Variants in TTLL9 observed in about 807,000 individuals in gnomAD.
The protein encoded by TTLL9 is probable tubulin polyglutamylase TTLL9.
In TTLL9, 47 loss-of-function variants were observed where a neutral mutation model predicts 65.6. The observed-to-expected ratio is 0.72, with a 90% CI of 0.57 to 0.91. The LOEUF is 0.91. Ranked by LOEUF, TTLL9 falls within the 40% of genes least tolerant of loss-of-function variation. TTLL9 has a pLI of 0.00. For synonymous variants in TTLL9, 179 were observed against 204.8 expected (o/e 0.87, Z 1.07); for missense variants, 537 against 568.8 (o/e 0.94, Z 0.57).
intron 4 of TTLL9, among the ~76,000 whole-genome samples, chr20:31,902,598 G>A (rs2063494673): frequency 6.6e-6 from 1 of 152,078 alleles, no homozygotes; most frequent in Admixed American, 6.5e-5. Flanking sequence ...ATTGATAGGT[G>A]TTTAGGTTAT....
At chr20:31,889,084 A>G (rs1455521023) in intron 3 of TTLL9, among the ~76,000 whole-genome samples, 3 of 152,030 alleles carry the variant, frequency 2.0e-5, no homozygotes, top group Admixed American at 6.6e-5. Flanking sequence ...ACCATAAAAT[A>G]TTTTTTATTT....
At chr20:31,893,470 T>C (rs1600543136) in intron 3 of TTLL9, among the ~76,000 whole-genome samples, 1 of 152,180 alleles carries the variant, frequency 6.6e-6, no homozygotes, top group South Asian at 2.1e-4. Context: ...TTTGTATTTT[T>C]AGTAGAGACC....
intron 3 of TTLL9, among the ~76,000 whole-genome samples, chr20:31,889,481 G>T (rs995461065): frequency 4.0e-5 from 6 of 150,160 alleles, no homozygotes; most frequent in Admixed American, 1.3e-4. Context: ...GGAGTGCAGT[G>T]GCGTGATCTC....
At chr20:31,938,465 C>T (rs892975957) in intron 13 of TTLL9, among the ~76,000 whole-genome samples, 1 of 152,160 alleles carries the variant, frequency 6.6e-6, no homozygotes, top group African/African-American at 2.4e-5. Flanking sequence ...AACATTTGAG[C>T]CCTGCTCTGT....
intron 3 of TTLL9, among the ~76,000 whole-genome samples, chr20:31,897,585 G>A (rs1056404122): frequency 2.6e-5 from 4 of 152,082 alleles, no homozygotes; most frequent in African/African-American, 4.8e-5. Context: ...ACTTCATTAC[G>A]GCCAGACTGG....
intron 7 of TTLL9, among the ~76,000 whole-genome samples, chr20:31,922,752 C>T (rs772014915): frequency 1.3e-5 from 2 of 152,216 alleles, no homozygotes; most frequent in African/African-American, 2.4e-5. Flanking sequence ...ATCCCAGCAA[C>T]ACCACTAACT....
intron 3 of TTLL9, among the ~76,000 whole-genome samples, chr20:31,892,382 C>G (rs912996066): frequency 3.3e-5 from 5 of 152,112 alleles, no homozygotes; most frequent in African/African-American, 1.2e-4. Flanking sequence ...GTTGGCCAGG[C>G]TGGTCTGGAA....
In TTLL9 at chr20:31,940,027, A is replaced by T. The variant is rs1010901320; in HGVS notation, c.1243+761A>T. ...TGGACATTTGGCACAATTGCATTTT[A>T]TTTTTTTTTTACTTTTATAAATTAT... On this transcript the variant is annotated intron_variant, in intron 14 of 14. Transcript: ENST00000535842. 2.0e-3 allele frequency: 304 copies of T among 150,402 alleles called. 1 individual carries two copies. The highest frequency in any genetic ancestry group is 7.1e-3 in the African/African-American group (290 of 41,082). 9.3% of individuals were successfully genotyped at this position (150,402 alleles called of 1,614,324 possible). A position where few individuals can be genotyped will look rare whatever the true frequency, so the allele number is the denominator to read the frequency against.
chr20:31,879,682 G>A, intron 2 of TTLL9: 3 of 753,492 alleles, frequency 4.0e-6, no homozygotes, highest in East Asian at 2.8e-5. Context: ...GAGGAAGTCG[G>A]GGGACCTAGG....
chr20:31,941,479 A>G (rs1174443430), intron 14 of TTLL9, among the ~76,000 whole-genome samples: 1 of 151,960 alleles, frequency 6.6e-6, no homozygotes, highest in African/African-American at 2.4e-5. Context: ...AGATCAAGAT[A>G]TGGTTGGTGT....
chr20:31,875,310 C>T (rs1028258123), intron 2 of TTLL9, among the ~76,000 whole-genome samples: 3 of 152,136 alleles, frequency 2.0e-5, no homozygotes, highest in African/African-American at 7.2e-5. Flanking sequence ...GACTGGAACA[C>T]AGTACATTAT....
intron 2 of TTLL9, among the ~76,000 whole-genome samples, chr20:31,872,852 CG>C: frequency 6.6e-6 from 1 of 152,246 alleles, no homozygotes; most frequent in East Asian, 1.9e-4. Flanking sequence ...GTTAAGAGGA[CG>C]GTTCAGGGCC....
Position 31,937,502 on chromosome 20 carries a change from G to C in TTLL9, c.1111G>C (p.Glu371Gln). 6.2e-7 allele frequency: 1 copy of C among 1,613,112 alleles called. No individual in the cohort carries two copies. Among genetic ancestry groups the C allele is most frequent in the Non-Finnish European group, 8.5e-7 (1 of 1,179,320 alleles). Residue 371 changes from glutamate (E) to glutamine (Q), a missense_variant, in exon 13 of 15, where the codon GAA becomes CAA. Glu to Gln is a conservative substitution (Grantham distance 29). Transcript: ENST00000535842. ...AGACACCCTGCATGTTGTGGACATG[G>C]AAGCGAGGTGAGGGAGGGCAGCCTT... ...LEDTLHVVDM[E>Q]ARLTGREKRV... is the part of the protein sequence containing the mutation.
At chr20:31,937,535 T>A (rs764042121) in intron 13 of TTLL9, 26 bp downstream of exon 13, 5 of 1,579,744 alleles carry the variant, frequency 3.2e-6, no homozygotes, top group Non-Finnish European at 4.3e-6. Flanking sequence ...CTTGATCACA[T>A]GTCCTTGTAC....
chr20:31,888,186 A>C (rs2123419915), intron 3 of TTLL9, among the ~76,000 whole-genome samples: 1 of 152,118 alleles, frequency 6.6e-6, no homozygotes. Context: ...GCCCAGCCAG[A>C]TATTTTTGTT....
chr20:31,942,297 T>C (rs1430951835), intron 14 of TTLL9, among the ~76,000 whole-genome samples: 1 of 152,192 alleles, frequency 6.6e-6, no homozygotes, highest in East Asian at 1.9e-4. Flanking sequence ...ACAGCCAACA[T>C]GTAGCACCAT....
At chr20:31,913,428 G>A (rs1011592964) in intron 6 of TTLL9, among the ~76,000 whole-genome samples, 2 of 152,192 alleles carry the variant, frequency 1.3e-5, no homozygotes, top group African/African-American at 2.4e-5. Flanking sequence ...TTGGAGAATA[G>A]AGGGAGAAGA....
chr20:31,924,073 G>A (rs1451366400), intron 8 of TTLL9, among the ~76,000 whole-genome samples: 1 of 152,064 alleles, frequency 6.6e-6, no homozygotes, highest in Non-Finnish European at 1.5e-5. Context: ...GCCATTCTGG[G>A]TGTGTCCCCC....
intron 14 of TTLL9, chr20:31,940,257 T>A (rs928984759): frequency 5.9e-5 from 9 of 152,230 alleles, no homozygotes; most frequent in Non-Finnish European, 2.9e-5. Flanking sequence ...ACATACTGAC[T>A]CGTTGTTTTA....
Sources: allele counts gnomAD v4.1 joint callset (sites outside exome capture counted in the v4.1 genomes callset), GRCh38; gene constraint gnomAD v4.1.1; transcripts MANE v1.5; gene names NCBI Gene and HGNC (gene_info 2026-07-23, HGNC 2026-07-21).